Variants in RNF111 observed in about 807,000 individuals in gnomAD.
RNF111 encodes ring finger protein 111.
A neutral mutation model predicts 95.1 loss-of-function variants in RNF111; 17 were observed. That is an observed-to-expected ratio of 0.18 (90% CI 0.12 to 0.27). RNF111 has a LOEUF of 0.27. RNF111 is among the 10% of genes least tolerant of loss of function. The pLI, the probability that RNF111 is intolerant of heterozygous loss-of-function variation, is 1.00. For missense variants in RNF111, 1,189 were observed against 1,210.4 expected, an observed-to-expected ratio of 0.98 and a Z score of 0.26; for synonymous variants, 440 against 414.8, an observed-to-expected ratio of 1.06 and a Z score of -0.74.
At chr15:58,998,490 G>C (rs1223668612) in intron 1 of RNF111, among the ~76,000 whole-genome samples, 1 of 152,094 alleles carries the variant, frequency 6.6e-6, no homozygotes, top group East Asian at 1.9e-4. Flanking sequence ...GTCTTCCATT[G>C]CATACCAAAG....
At chr15:59,016,310 C>T (rs1314597984) in intron 1 of RNF111, among the ~76,000 whole-genome samples, 1 of 151,980 alleles carries the variant, frequency 6.6e-6, no homozygotes, top group Non-Finnish European at 1.5e-5. Context: ...GCTGGGACTA[C>T]AGGCACGCAC....
chr15:59,046,759 A>G (rs2041730729), intron 2 of RNF111, among the ~76,000 whole-genome samples: 1 of 152,226 alleles, frequency 6.6e-6, no homozygotes, highest in Admixed American at 6.5e-5. Flanking sequence ...GCTTCAAAAG[A>G]CACTATTAAG....
intron 1 of RNF111, among the ~76,000 whole-genome samples, chr15:59,025,488 G>T (rs56366071): frequency 0.029 from 4,440 of 152,206 alleles, 101 homozygotes; most frequent in Middle Eastern, 0.048. Flanking sequence ...AGTAGTTATA[G>T]GTAGTAGAAG....
At chr15:59,020,326 T>C (rs1039170416) in intron 1 of RNF111, among the ~76,000 whole-genome samples, 1 of 151,728 alleles carries the variant, frequency 6.6e-6, no homozygotes, top group Non-Finnish European at 1.5e-5. Context: ...AGCAGTATCT[T>C]TATGTCTTAT....
chr15:59,073,896 A>G (rs1209490992), intron 6 of RNF111, among the ~76,000 whole-genome samples: 2 of 152,200 alleles, frequency 1.3e-5, no homozygotes, highest in African/African-American at 4.8e-5. Flanking sequence ...TCCTTGATTC[A>G]TAGTCTGCAG....
intron 2 of RNF111, among the ~76,000 whole-genome samples, chr15:59,033,429 T>C (rs1596147172): frequency 7.9e-5 from 12 of 152,224 alleles, no homozygotes; most frequent in Admixed American, 6.5e-4. Context: ...ATTTTGATCA[T>C]GTACAGCCAG....
intron 6 of RNF111, among the ~76,000 whole-genome samples, chr15:59,072,139 T>C (rs1448767363): frequency 3.9e-5 from 6 of 152,244 alleles, no homozygotes; most frequent in African/African-American, 7.2e-5. Flanking sequence ...GTAAACTTTT[T>C]GCTGATGGAG....
intron 2 of RNF111, among the ~76,000 whole-genome samples, chr15:59,048,887 T>C (rs905908961): frequency 6.6e-6 from 1 of 152,072 alleles, no homozygotes; most frequent in Admixed American, 6.6e-5. Context: ...GCCTAGGAGT[T>C]CGAGACCAGC....
intron 7 of RNF111, among the ~76,000 whole-genome samples, chr15:59,076,468 A>T (rs772038824): frequency 6.6e-6 from 1 of 152,212 alleles, no homozygotes; most frequent in Non-Finnish European, 1.5e-5. Flanking sequence ...GGCACAGTAA[A>T]GTAAATTTTT....
Position 59,052,345 on chromosome 15 carries a change from C to T in RNF111, c.921C>T (p.Ser307=). The T allele has an allele frequency of 6.2e-7, 1 of 1,603,698 alleles. No homozygotes were observed. Among genetic ancestry groups the T allele is most frequent in the Non-Finnish European group, 8.5e-7 (1 of 1,175,788 alleles). ...ATGTTGTGGTGATAGAAGCTTCCTCCACTCCCCAGGTTACTGCCAATGAAG... is the reference window on the plus strand; with the variant it reads ...ATGTTGTGGTGATAGAAGCTTCCTCTACTCCCCAGGTTACTGCCAATGAAG... ...DEDVVVIEAS[S]TPQVTANEEI... is the part of the protein sequence containing the mutation. Residue 307 remains serine (S), a synonymous_variant, in exon 3 of 14, where the codon TCC becomes TCT. Transcript: ENST00000348370.
At chr15:59,061,143 A>G (rs1212457522) in intron 5 of RNF111, among the ~76,000 whole-genome samples, 7 of 152,182 alleles carry the variant, frequency 4.6e-5, no homozygotes, top group Admixed American at 6.5e-5. Flanking sequence ...TACAGTCCCA[A>G]CTTTATTTCA....
At chr15:58,995,704 T>C (rs1481112016) in intron 1 of RNF111, among the ~76,000 whole-genome samples, 2 of 151,032 alleles carry the variant, frequency 1.3e-5, no homozygotes, top group Non-Finnish European at 2.9e-5. Context: ...GACCTCGTGA[T>C]CCACCTGCCT....
intron 2 of RNF111, among the ~76,000 whole-genome samples, chr15:59,038,310 T>C (rs1303519174): frequency 3.3e-5 from 5 of 152,182 alleles, no homozygotes; most frequent in African/African-American, 1.2e-4. Context: ...AAAAATTATC[T>C]AATAGCTGTA....
chr15:59,034,844 T>C lies in RNF111; in HGVS notation c.880+3142T>C, dbSNP rs149615001. Among the ~76,000 whole-genome samples, 511 of 152,354 alleles carry C rather than the reference T, an allele frequency of 3.4e-3. 4 individuals carry two copies. Among genetic ancestry groups the C allele is most frequent in the Middle Eastern group, 6.8e-3 (2 of 294 alleles). The stretch of plus-strand genomic sequence containing the variant: ...TTGACTTATTTACTACATGTTAATA[T>C]GATTTGTATGGATGAATGGATATTA... On this transcript the variant is annotated intron_variant, in intron 2 of 13. Transcript: ENST00000348370.
intron 1 of RNF111, among the ~76,000 whole-genome samples, chr15:58,998,865 G>C (rs1238017602): frequency 6.6e-6 from 1 of 152,220 alleles, no homozygotes; most frequent in Non-Finnish European, 1.5e-5. Flanking sequence ...ATGTTTGAAA[G>C]AGGTGCGTAA....
intron 1 of RNF111, among the ~76,000 whole-genome samples, chr15:59,007,800 G>A (rs141005553): frequency 1.5e-4 from 23 of 152,212 alleles, no homozygotes; most frequent in African/African-American, 5.5e-4. Context: ...GGGTATTTTT[G>A]TATGTTTTGT....
intron 2 of RNF111, chr15:59,049,745 C>CTTTTTTTTTTTTTTTTTTT (rs368049097): frequency 9.6e-6 from 1 of 104,620 alleles, no homozygotes; most frequent in Non-Finnish European, 1.9e-5. Context: ...TTCTTTCTTT[C>CTTTTTTTTTTTTTTTTTTT]TTTTTTTTTT....
chr15:59,048,602 A>G (rs2041824003), intron 2 of RNF111, among the ~76,000 whole-genome samples: 1 of 152,180 alleles, frequency 6.6e-6, no homozygotes, highest in African/African-American at 2.4e-5. Flanking sequence ...TTTTACACTC[A>G]TTATGTGAAA....
At chr15:59,005,796 AAAC>A (rs1318406039) in intron 1 of RNF111, among the ~76,000 whole-genome samples, 1 of 152,246 alleles carries the variant, frequency 6.6e-6, no homozygotes, top group Non-Finnish European at 1.5e-5. Flanking sequence ...GTCATCTTTA[AAAC>A]AACAACAATA....
Sources: gnomAD v4.1 joint callset for allele counts (sites outside exome capture counted in the v4.1 genomes callset) on GRCh38, gnomAD v4.1.1 for gene constraint, MANE v1.5 for transcripts, NCBI Gene and HGNC (gene_info 2026-07-23, HGNC 2026-07-21) for gene names.